The following TTC13 variants were observed in gnomAD, a reference collection of about 807,000 sequenced individuals.
TTC13 encodes the protein tetratricopeptide repeat domain 13.
A neutral mutation model predicts 120.0 loss-of-function variants in TTC13; 62 were observed. The observed-to-expected ratio is 0.52, with a 90% confidence interval of 0.42 to 0.64. The LOEUF (loss-of-function observed/expected upper bound fraction) is 0.64, where lower values mean the gene tolerates loss of function less well. Among genes scored for constraint, TTC13 ranks in the 30% least tolerant of loss-of-function variants. The probability of loss-of-function intolerance (pLI) is 0.00; values close to 1 mark genes in which losing one functional copy is unlikely to be tolerated. For missense variants in TTC13, 824 were observed against 1,050.2 expected, an observed-to-expected ratio of 0.78 and a Z score of 2.98; for synonymous variants, 384 against 393.5, an observed-to-expected ratio of 0.98 and a Z score of 0.28.
chr1:230,931,677 C>T (rs1673572564), intron 10 of TTC13, 59 bp downstream of exon 10: 1 of 1,584,418 alleles, frequency 6.3e-7, no homozygotes, highest in Admixed American at 1.7e-5. Flanking sequence ...TTTCACTAAA[C>T]TTCAATGAAG....
chr1:230,924,947 T>C lies in TTC13; in HGVS notation c.1615A>G (p.Met539Val). The change falls in exon 14 of 23, where the codon ATG (methionine) becomes GTG (valine). Residue 539 changes from methionine (M) to valine (V), a missense_variant. Coordinates refer to ENST00000366661, the MANE Select transcript of TTC13 (RefSeq NM_024525.5). ...RAMGLAALEV[M>V]QAVQRTWTNS... ...GTCCATGTACGCTGCACGGCTTGCA[T>C]GACCTCCAATGCGGCCAAACCCATA... 6.2e-7 allele frequency: 1 copy of C among 1,614,228 alleles called. No individual in the cohort carries two copies. Among genetic ancestry groups the C allele is most frequent in the Non-Finnish European group, 8.5e-7 (1 of 1,180,038 alleles).
rs1321326578 is a variant in TTC13 at position 230,959,243 on chromosome 1, G to A, written c.367-944C>T. ...CCTTTCTGCAAAAAGATATAGGGAC[G>A]AGGACAGAAATGAAATTCTACAAAA... is the stretch of plus-strand genomic sequence containing the variant. On this transcript the variant is annotated intron_variant, in intron 2 of 22. Transcript: ENST00000366661. 3.9e-5 allele frequency among the ~76,000 whole-genome samples: 6 copies of A among 152,120 alleles called. No homozygotes were observed. In the East Asian group the frequency reaches 5.8e-4, roughly 15 times the overall value.
chr1:230,950,242 T>C (rs1215176494), intron 4 of TTC13, among the ~76,000 whole-genome samples: 1 of 151,926 alleles, frequency 6.6e-6, no homozygotes, highest in African/African-American at 2.4e-5. Flanking sequence ...AATATTTTTA[T>C]AATATTTATA....
Position 230,978,614 on chromosome 1 carries a change from C to G in TTC13, c.217G>C (p.Gly73Arg), listed in dbSNP as rs1185902528. Residue 73 changes from glycine (G) to arginine (R), a missense_variant, in exon 1 of 23, where the codon GGC becomes CGC. Physicochemically the swap from Gly to Arg is moderately radical, Grantham distance 125 (BLOSUM62 -2). Transcript: ENST00000366661. This position sits in a 1 kb window ranked among gnomAD's most constrained non-coding sequence, Gnocchi z 5.6. Reference protein sequence around the residue: ...QQQEAPAGGGGCSPQSGDWGD... With the variant: ...QQQEAPAGGGRCSPQSGDWGD... ...CAGTCCCCGGACTGCGGGCTGCAGCCGCCGCCGCCCGCCGGGGCCTCCTGC... is the reference window on the plus strand; with the variant it reads ...CAGTCCCCGGACTGCGGGCTGCAGCGGCCGCCGCCCGCCGGGGCCTCCTGC... 10 of 1,440,566 alleles carry G rather than the reference C, an allele frequency of 6.9e-6. No homozygotes were observed. The South Asian group carries it at 1.2e-4, about 17-fold the overall frequency. The allele number at this position is 1,440,566 out of a possible 1,614,324, so 89.2% of individuals were successfully genotyped here.
intron 22 of TTC13, 47 bp downstream of exon 22, chr1:230,908,665 C>T (rs747834766): frequency 6.6e-7 from 1 of 1,514,512 alleles, no homozygotes; most frequent in Admixed American, 1.8e-5. Context: ...ACTCCTTTTC[C>T]TCCTCCAGTT....
At chr1:230,943,769 C>A in intron 6 of TTC13, 37 bp downstream of exon 6, 2 of 1,503,588 alleles carry the variant, frequency 1.3e-6, no homozygotes, top group South Asian at 1.3e-5. Context: ...TTCAACTAAT[C>A]CAATAATGAC....
chr1:230,969,877 G>A (rs1014607346), intron 1 of TTC13, among the ~76,000 whole-genome samples: 8 of 152,152 alleles, frequency 5.3e-5, no homozygotes, highest in Non-Finnish European at 8.8e-5. Flanking sequence ...GGCTAAAATC[G>A]CAGTGTTTTT....
chr1:230,931,526 G>A lies in TTC13; in HGVS notation c.1126-54C>T, dbSNP rs1572215057. 1.0e-5 allele frequency: 16 copies of A among 1,587,764 alleles called. No individual in the cohort carries two copies. In the East Asian group the frequency reaches 3.4e-4, roughly 33 times the overall value. ...ACACAGTTTAGGAAAACTTTGAAAT[G>A]CTTTATTCTTTACTCTGGAATTAGT... On this transcript the variant is annotated intron_variant, in intron 10 of 22. Coordinates refer to ENST00000366661, the MANE Select transcript of TTC13 (RefSeq NM_024525.5).
At chr1:230,971,642 G>GT (rs1247704211) in intron 1 of TTC13, among the ~76,000 whole-genome samples, 2 of 152,134 alleles carry the variant, frequency 1.3e-5, no homozygotes, top group African/African-American at 4.8e-5. Flanking sequence ...AGAGACAGAA[G>GT]TTTTTTGTTT....
intron 1 of TTC13, among the ~76,000 whole-genome samples, chr1:230,971,170 C>T (rs536268083): frequency 6.1e-4 from 86 of 140,480 alleles, no homozygotes; most frequent in Non-Finnish European, 1.1e-3. Context: ...ATGGTGGAAC[C>T]CTGTCTCTAT....
chr1:230,945,189 A>G (rs959647691), intron 5 of TTC13, among the ~76,000 whole-genome samples, 200 bp downstream of exon 5: 1 of 152,158 alleles, frequency 6.6e-6, no homozygotes, highest in African/African-American at 2.4e-5. Context: ...TATCCAGTTC[A>G]TCAAAGTTGA....
At position 230,906,831 on chromosome 1, in the gene TTC13, T is replaced by C; in HGVS notation, c.*74A>G. 1.6e-6 allele frequency: 1 copy of C among 640,274 alleles called. No homozygotes were observed. The highest frequency in any genetic ancestry group is 2.4e-6 in the Non-Finnish European group (1 of 408,606). The allele number at this position is 640,274 out of a possible 1,614,324, so 39.7% of individuals were successfully genotyped here. ...AGTAATAGAGGACCTAATTTCTTTATAATTCCATGTTTTAAAAAATAACTT... is the reference window on the plus strand; with the variant it reads ...AGTAATAGAGGACCTAATTTCTTTACAATTCCATGTTTTAAAAAATAACTT... On this transcript the variant is annotated 3_prime_UTR_variant, in exon 23 of 23. Transcript: ENST00000366661.
At position 230,912,618 on chromosome 1, in the gene TTC13, C is replaced by G. The variant is rs775811869; in HGVS notation, c.2229+5G>C. 1 of 1,608,298 alleles carries G rather than the reference C, an allele frequency of 6.2e-7. No individual in the cohort carries two copies. The highest frequency in any genetic ancestry group is 1.7e-5 in the Admixed American group (1 of 58,906). Reference sequence around the variant, plus strand: ...GCAGAAAAATGGAAACAAAGAGAAACCTACCCCAAATTCTGATGAAAGAAT... The same window carrying G: ...GCAGAAAAATGGAAACAAAGAGAAAGCTACCCCAAATTCTGATGAAAGAAT... On this transcript the variant is annotated splice_donor_5th_base_variant and intron_variant, in intron 19 of 22. Coordinates refer to ENST00000366661, the MANE Select transcript of TTC13 (RefSeq NM_024525.5).
intron 20 of TTC13, among the ~76,000 whole-genome samples, chr1:230,910,378 G>A (rs919778120): frequency 6.6e-5 from 10 of 152,222 alleles, no homozygotes; most frequent in African/African-American, 1.2e-4. Flanking sequence ...CTAGCACTGC[G>A]CACTGTGTAT....
chr1:230,954,516 T>G, intron 3 of TTC13, 113 bp from the exon 4 acceptor site: 1 of 762,144 alleles, frequency 1.3e-6, no homozygotes, highest in Non-Finnish European at 2.1e-6. Context: ...CTGGAAGCAG[T>G]TAAAGAAAAC....
At chr1:230,968,197 T>A (rs1377151706) in intron 1 of TTC13, among the ~76,000 whole-genome samples, 1 of 134,430 alleles carries the variant, frequency 7.4e-6, no homozygotes, top group Non-Finnish European at 1.7e-5. Context: ...GGGGGGGGCC[T>A]TTTTGTTTTA....
intron 17 of TTC13, among the ~76,000 whole-genome samples, chr1:230,917,026 A>G (rs78587442): frequency 6.6e-6 from 1 of 152,078 alleles, no homozygotes; most frequent in African/African-American, 2.4e-5. Flanking sequence ...AGTTAAGAGA[A>G]GCAACAGTAA....
chr1:230,977,025 C>T (rs1415010902), intron 1 of TTC13, among the ~76,000 whole-genome samples: 1 of 152,184 alleles, frequency 6.6e-6, no homozygotes, highest in Non-Finnish European at 1.5e-5. Context: ...CTACCTACAA[C>T]CACTTAATGG....
intron 2 of TTC13, among the ~76,000 whole-genome samples, chr1:230,958,672 T>C (rs1676335938): frequency 6.6e-6 from 1 of 152,194 alleles, no homozygotes; most frequent in African/African-American, 2.4e-5. Context: ...AGTTCACAGA[T>C]GCAAAAGATT....
Sources: gnomAD v4.1 joint callset for allele counts (sites outside exome capture counted in the v4.1 genomes callset) on GRCh38, gnomAD v4.1.1 for gene constraint, Gnocchi (gnomAD v3.1) non-coding constraint, MANE v1.5 for transcripts, NCBI Gene and HGNC (gene_info 2026-07-23, HGNC 2026-07-21) for gene names.